Variants in MEGF11 observed in about 807,000 individuals in gnomAD.
MEGF11 encodes multiple epidermal growth factor-like domains protein 11.
In MEGF11, 126 loss-of-function variants were observed where a neutral mutation model predicts 146.6. The ratio of observed to expected loss-of-function variants is 0.86; its 90% CI spans 0.74 to 1.00. The LOEUF is 1.00. Among genes scored for constraint, MEGF11 ranks in the 50% least tolerant of loss-of-function variants. The probability of loss-of-function intolerance (pLI) is 0.00; values close to 1 mark genes in which losing one functional copy is unlikely to be tolerated. For synonymous variants in MEGF11, 532 were observed against 583.4 expected, an observed-to-expected ratio of 0.91 and a Z score of 1.27; for missense variants, 1,509 against 1,521.2, an observed-to-expected ratio of 0.99 and a Z score of 0.13.
At chr15:66,193,278 C>G (rs4776286) in intron 1 of MEGF11, among the ~76,000 whole-genome samples, 2 of 152,058 alleles carry the variant, frequency 1.3e-5, no homozygotes, top group Non-Finnish European at 2.9e-5. Flanking sequence ...AAGCTGACTC[C>G]TTTGTGTTCA....
chr15:66,253,172 T>A (rs1257145177), intron 1 of MEGF11, among the ~76,000 whole-genome samples: 1 of 152,190 alleles, frequency 6.6e-6, no homozygotes, highest in East Asian at 1.9e-4. Context: ...AAGGCGCCGG[T>A]GCAGTGAGTG....
chr15:66,234,422 CA>C (rs1304950623), intron 1 of MEGF11, among the ~76,000 whole-genome samples: 7 of 152,216 alleles, frequency 4.6e-5, no homozygotes, highest in African/African-American at 1.7e-4. Flanking sequence ...GCTATAGACT[CA>C]AAACTAGACC....
chr15:66,120,470 GCAGGGTCTGGTCAT>G (rs551194915), intron 3 of MEGF11, among the ~76,000 whole-genome samples: 200 of 152,332 alleles, frequency 1.3e-3, no homozygotes, highest in African/African-American at 4.3e-3. Flanking sequence ...CAGCACAGCA[GCAGGGTCTGGTCAT>G]CAGAGACGCC....
chr15:65,955,823 A>ATATAAATATATATATAT lies in MEGF11; in HGVS notation c.1287+1723_1287+1724insATATATATATATTTATA, dbSNP rs1555455891. Among the ~76,000 whole-genome samples, 83 of 40,196 alleles carry ATATAAATATATATATAT rather than the reference A, an allele frequency of 2.1e-3. 2 individuals are homozygous for ATATAAATATATATATAT. The highest frequency in any genetic ancestry group is 0.018 in the Admixed American group (42 of 2,376). The allele number at this position is 40,196 out of a possible 152,430, so 26.4% of individuals were successfully genotyped here. Reference sequence around the variant, plus strand: ...ACACACACACACACACAATACTTTAAATATATAACATGTAATCAATATAAC... The same window carrying ATATAAATATATATATAT: ...ACACACACACACACACAATACTTTAATATAAATATATATATATATATATAACATGTAATCAATATAAC... On this transcript the variant is annotated intron_variant, in intron 10 of 25. Coordinates refer to ENST00000395614, the MANE Select transcript of MEGF11 (RefSeq NM_001385028.1).
At chr15:65,986,275 G>A (rs2081855124) in intron 5 of MEGF11, among the ~76,000 whole-genome samples, 1 of 152,110 alleles carries the variant, frequency 6.6e-6, no homozygotes, top group East Asian at 1.9e-4. Flanking sequence ...TAAAAAGTAT[G>A]TGAGCAAGAG....
intron 5 of MEGF11, among the ~76,000 whole-genome samples, chr15:66,027,171 AAGCACACTTCCAGACTGATC>A (rs1037977651): frequency 3.9e-5 from 6 of 152,294 alleles, no homozygotes; most frequent in Admixed American, 2.6e-4. Context: ...ACTCAGAAAC[AAGCACACTTCCAGACTGATC>A]AGCACACTTC....
chr15:66,155,299 G>A (rs139438143), intron 1 of MEGF11, among the ~76,000 whole-genome samples: 123 of 152,358 alleles, frequency 8.1e-4, no homozygotes, highest in Non-Finnish European at 1.3e-3. Flanking sequence ...GGCAAGACAG[G>A]AGGGAGAGCC....
intron 5 of MEGF11, among the ~76,000 whole-genome samples, chr15:66,052,912 C>T (rs777945265): frequency 5.9e-5 from 9 of 152,162 alleles, no homozygotes; most frequent in Non-Finnish European, 1.0e-4. Context: ...ATTTTTAATG[C>T]CCAGGTGCTT....
intron 1 of MEGF11, among the ~76,000 whole-genome samples, chr15:66,223,501 T>A (rs887152001): frequency 1.3e-5 from 2 of 152,184 alleles, no homozygotes; most frequent in Non-Finnish European, 2.9e-5. Flanking sequence ...GATGGGTGGA[T>A]CACTTGAGGC....
At chr15:66,215,547 G>A (rs1395902435) in intron 1 of MEGF11, among the ~76,000 whole-genome samples, 1 of 152,188 alleles carries the variant, frequency 6.6e-6, no homozygotes, top group African/African-American at 2.4e-5. Flanking sequence ...GACAAATAAA[G>A]TGTGAAGACA....
intron 1 of MEGF11, among the ~76,000 whole-genome samples, chr15:66,196,174 C>T (rs1033642794): frequency 6.6e-6 from 1 of 151,974 alleles, no homozygotes; most frequent in Admixed American, 6.6e-5. Flanking sequence ...GGTGCAGGCC[C>T]ATATTCAGGA....
intron 15 of MEGF11, among the ~76,000 whole-genome samples, chr15:65,920,139 A>G (rs2079129819): frequency 6.6e-6 from 1 of 152,196 alleles, no homozygotes; most frequent in African/African-American, 2.4e-5. Context: ...CTTGCTGGCT[A>G]AGTGCCTTTG....
At chr15:66,107,452 CCGTCCCTCCCA>C (rs899893335) in intron 4 of MEGF11, among the ~76,000 whole-genome samples, 6 of 152,204 alleles carry the variant, frequency 3.9e-5, no homozygotes, top group African/African-American at 1.4e-4. Context: ...ATGAGGAGCT[CCGTCCCTCCCA>C]CGTCCCTCCA....
At chr15:66,149,098 C>T (rs946136990) in intron 1 of MEGF11, among the ~76,000 whole-genome samples, 2 of 152,218 alleles carry the variant, frequency 1.3e-5, no homozygotes, top group Admixed American at 6.5e-5. Flanking sequence ...GCCCTTTGCC[C>T]CTGGCTCCCA....
chr15:66,250,358 G>C (rs1451363335), intron 1 of MEGF11, among the ~76,000 whole-genome samples: 2 of 152,154 alleles, frequency 1.3e-5, no homozygotes, highest in Non-Finnish European at 2.9e-5. Flanking sequence ...CTATTATATT[G>C]TCCCATTTCA....
At chr15:65,972,877 C>G (rs939925791) in intron 7 of MEGF11, among the ~76,000 whole-genome samples, 2 of 152,180 alleles carry the variant, frequency 1.3e-5, no homozygotes, top group African/African-American at 4.8e-5. Flanking sequence ...GTAATCCCAG[C>G]ATTTTGGGAG....
intron 5 of MEGF11, among the ~76,000 whole-genome samples, chr15:66,048,246 A>G (rs1490179804): frequency 6.6e-6 from 1 of 152,198 alleles, no homozygotes; most frequent in Non-Finnish European, 1.5e-5. Context: ...GCGCCCAGCC[A>G]GGAGGAGGGT....
intron 5 of MEGF11, among the ~76,000 whole-genome samples, chr15:66,024,106 G>C (rs879686012): frequency 6.6e-6 from 1 of 152,272 alleles, no homozygotes; most frequent in Admixed American, 6.5e-5. Context: ...GGAACCCAGA[G>C]CAGAGTGAGG....
chr15:66,037,063 C>A (rs973684932), intron 5 of MEGF11, among the ~76,000 whole-genome samples: 1 of 152,210 alleles, frequency 6.6e-6, no homozygotes, highest in Admixed American at 6.5e-5. Context: ...CTGATAATGA[C>A]ATTTCATGGC....
Sources: allele counts gnomAD v4.1 joint callset (sites outside exome capture counted in the v4.1 genomes callset), GRCh38; gene constraint gnomAD v4.1.1; transcripts MANE v1.5; gene names NCBI Gene and HGNC (gene_info 2026-07-23, HGNC 2026-07-21).